Variants in SOX6 observed in about 807,000 individuals in gnomAD.
SOX6 encodes transcription factor SOX-6.
Under a neutral mutation model 97.8 loss-of-function variants are expected in SOX6, and 11 were observed. The ratio of observed to expected loss-of-function variants is 0.11; its 90% confidence interval spans 0.07 to 0.19. The LOEUF is 0.19. Ranked by LOEUF, SOX6 falls within the 10% of genes least tolerant of loss-of-function variation. The probability of loss-of-function intolerance (pLI) is 1.00; values close to 1 mark genes in which losing one functional copy is unlikely to be tolerated. For missense variants in SOX6, 810 were observed against 1,039.5 expected (o/e 0.78, Z 3.04); for synonymous variants, 360 against 371.4 (o/e 0.97, Z 0.35).
chr11:16,016,724 G>C (rs748418207), intron 12 of SOX6, among the ~76,000 whole-genome samples: 2 of 152,020 alleles, frequency 1.3e-5, no homozygotes, highest in Non-Finnish European at 2.9e-5. Context: ...AAGTGGAGAT[G>C]AGTAGTACCA....
chr11:15,972,960 G>A lies in SOX6; in HGVS notation c.2336C>T (p.Thr779Ile). The A allele has an allele frequency of 6.2e-7, 1 of 1,614,150 alleles. No individual in the cohort carries two copies. Among genetic ancestry groups the A allele is most frequent in the Non-Finnish European group, 8.5e-7 (1 of 1,180,030 alleles). ...TCCGCCATCTGTCTTCATACCATAA[G>A]TGCTCTGGATGACCGGGAGGCTGGG... Reference protein sequence around the residue: ...PEPSLPVIQSTYGMKTDGGSL... With the variant: ...PEPSLPVIQSIYGMKTDGGSL... Residue 779 changes from threonine to isoleucine, a missense_variant, in exon 16 of 16, where the codon ACT becomes ATT. Physicochemically the swap from Thr to Ile is moderately conservative, Grantham distance 89. Around this residue, in one of 9 missense-constraint regions of SOX6, gnomAD observed 122 missense variants for 153.4 expected, o/e 0.80. Coordinates refer to ENST00000683767, the MANE Select transcript of SOX6 (RefSeq NM_001367873.1).
intron 13 of SOX6, among the ~76,000 whole-genome samples, chr11:15,996,181 A>G (rs1261338872): frequency 6.6e-6 from 1 of 152,216 alleles, no homozygotes; most frequent in Non-Finnish European, 1.5e-5. Flanking sequence ...AAGGTGAAAT[A>G]TGGAACAACA....
At chr11:16,353,660 G>A (rs527954290) in intron 1 of SOX6, among the ~76,000 whole-genome samples, 9 of 152,090 alleles carry the variant, frequency 5.9e-5, no homozygotes, top group Non-Finnish European at 1.2e-4. Context: ...GAGAACATGA[G>A]AATCCAATTG....
At chr11:16,107,401 ATATG>A (rs1366866955) in intron 7 of SOX6, among the ~76,000 whole-genome samples, 47 of 147,398 alleles carry the variant, frequency 3.2e-4, no homozygotes, top group African/African-American at 1.1e-3. Flanking sequence ...ATATGTATAT[ATATG>A]TATATATATA....
intron 4 of SOX6, among the ~76,000 whole-genome samples, chr11:16,492,456 G>A (rs1241427421): frequency 2.0e-5 from 3 of 152,142 alleles, no homozygotes; most frequent in African/African-American, 7.2e-5. Context: ...CTTGGGAGAT[G>A]GGGGAGTAAA....
intron 1 of SOX6, among the ~76,000 whole-genome samples, chr11:16,737,488 G>A (rs1401053490): frequency 1.3e-5 from 2 of 151,230 alleles, no homozygotes; most frequent in Admixed American, 6.6e-5. Context: ...TTACAGGCCT[G>A]AGCCATGGCG....
At chr11:16,612,974 T>G (rs1016088878) in intron 3 of SOX6, among the ~76,000 whole-genome samples, 3 of 152,098 alleles carry the variant, frequency 2.0e-5, no homozygotes, top group Admixed American at 2.0e-4. Context: ...TAAACGGGAT[T>G]TCCCCCCCAC....
At chr11:16,351,056 A>G (rs1239316455) in intron 1 of SOX6, among the ~76,000 whole-genome samples, 1 of 152,154 alleles carries the variant, frequency 6.6e-6, no homozygotes, top group African/African-American at 2.4e-5. Flanking sequence ...AGATTATTAT[A>G]TCCATATCCC....
At chr11:16,183,976 T>G (rs553198200) in intron 5 of SOX6, 22 bp from the exon 6 acceptor site, 1 of 1,607,634 alleles carries the variant, frequency 6.2e-7, no homozygotes, top group South Asian at 1.1e-5. Context: ...AAAGTTTCAT[T>G]AAGTTAAAAT....
At chr11:16,487,921 T>C (rs1379608925) in intron 4 of SOX6, among the ~76,000 whole-genome samples, 4 of 152,190 alleles carry the variant, frequency 2.6e-5, no homozygotes, top group Admixed American at 2.6e-4. Context: ...TGTGCAAATA[T>C]GTACTTAGAC....
At chr11:15,989,634 AC>A (rs1853981872) in intron 13 of SOX6, among the ~76,000 whole-genome samples, 1 of 152,180 alleles carries the variant, frequency 6.6e-6, no homozygotes, top group Non-Finnish European at 1.5e-5. Flanking sequence ...ATTGTTTTTC[AC>A]AATATTGTCT....
intron 13 of SOX6, among the ~76,000 whole-genome samples, chr11:16,003,251 A>C (rs891698469): frequency 6.6e-6 from 1 of 151,934 alleles, no homozygotes; most frequent in East Asian, 1.9e-4. Context: ...AACTATTTCC[A>C]GTTCTCCACA....
intron 5 of SOX6, among the ~76,000 whole-genome samples, chr11:16,184,632 A>G (rs1851424173): frequency 6.6e-6 from 1 of 152,172 alleles, no homozygotes; most frequent in South Asian, 2.1e-4. Context: ...TCCAACAATC[A>G]AATTCAACAT....
At chr11:16,268,483 T>TATGATATGATATATG (rs1435554695) in intron 3 of SOX6, among the ~76,000 whole-genome samples, 27 of 151,292 alleles carry the variant, frequency 1.8e-4, no homozygotes, top group Admixed American at 9.9e-4. Flanking sequence ...AAGTATATGA[T>TATGATATGATATATG]ATGATATGAT....
rs1220051840 is a variant in SOX6, at chr11:16,238,697, C to T, written c.446-4026G>A. Among the ~76,000 whole-genome samples, 4 of 152,192 alleles carry T rather than the reference C, an allele frequency of 2.6e-5. No individual in the cohort carries two copies. In the East Asian group the frequency reaches 7.7e-4, roughly 29 times the overall value. ...TGGGGAAGAGGAAGAGATAATGTGA[C>T]AAATCTTTATTGCACTTTACAACAA... is the stretch of plus-strand genomic sequence containing the variant. On this transcript the variant is annotated intron_variant, in intron 3 of 15. Coordinates refer to ENST00000683767, the MANE Select transcript of SOX6 (RefSeq NM_001367873.1).
intron 3 of SOX6, among the ~76,000 whole-genome samples, chr11:16,669,434 T>C (rs907658967): frequency 6.6e-6 from 1 of 152,216 alleles, no homozygotes; most frequent in African/African-American, 2.4e-5. Flanking sequence ...AACTAGGGAC[T>C]GCAGCACACC....
At chr11:16,378,933 T>A (rs969580931) in intron 1 of SOX6, among the ~76,000 whole-genome samples, 2 of 152,128 alleles carry the variant, frequency 1.3e-5, no homozygotes, top group African/African-American at 4.8e-5. Context: ...TAGGCTATTC[T>A]AAATATTTTT....
intron 2 of SOX6, among the ~76,000 whole-genome samples, chr11:16,327,331 C>T (rs1220544785): frequency 6.6e-6 from 1 of 152,044 alleles, no homozygotes; most frequent in Non-Finnish European, 1.5e-5. Flanking sequence ...ATACAAATGT[C>T]CTTTGTCCAA....
chr11:16,430,118 T>C (rs1379741732), intron 1 of SOX6, among the ~76,000 whole-genome samples: 2 of 152,202 alleles, frequency 1.3e-5, no homozygotes, highest in Admixed American at 1.3e-4. Flanking sequence ...GGAACACATG[T>C]TCCTTCCACC....
Sources: allele counts gnomAD v4.1 joint callset (sites outside exome capture counted in the v4.1 genomes callset), GRCh38; gene constraint gnomAD v4.1.1; regional missense constraint gnomAD v4.1.1; transcripts MANE v1.5; gene names NCBI Gene and HGNC (gene_info 2026-07-23, HGNC 2026-07-21).